The following GRHPR variants were observed in gnomAD, a reference collection of about 807,000 sequenced individuals.
The protein encoded by GRHPR is glyoxylate and hydroxypyruvate reductase, also known as glyoxylate reductase/hydroxypyruvate reductase.
GRHPR carries 35 observed loss-of-function variants against 36.8 expected under a neutral mutation model. The ratio of observed to expected loss-of-function variants is 0.95; its 90% CI spans 0.73 to 1.26. GRHPR has a LOEUF of 1.26. Ranked by LOEUF, GRHPR falls within the 50% of genes most tolerant of loss-of-function variation. The pLI is 0.00. For missense variants in GRHPR, 380 were observed against 435.0 expected (o/e 0.87, Z 1.12); for synonymous variants, 179 against 181.0 (o/e 0.99, Z 0.09).
intron 8 of GRHPR, chr9:37,434,177 A>G: frequency 2.5e-6 from 1 of 399,582 alleles, no homozygotes; most frequent in Admixed American, 4.4e-5. Flanking sequence ...GGCTGCAGCC[A>G]TGTCCTACTG....
intron 2 of GRHPR, 72 bp from the exon 3 acceptor site, chr9:37,425,850 A>G: frequency 8.5e-6 from 8 of 944,896 alleles, no homozygotes; most frequent in Middle Eastern, 2.1e-4. Context: ...CGGTGTCCCC[A>G]TGATAGTCCC....
At chr9:37,422,615 C>T (rs887110017), upstream of GRHPR, 18 of 728,200 alleles carry the variant, frequency 2.5e-5, no homozygotes, top group African/African-American at 3.0e-4. Context: ...GGCGCTCCCT[C>T]TCGCGAAGCC....
intron 7 of GRHPR, 99 bp from the exon 8 acceptor site, chr9:37,431,909 C>T: frequency 2.3e-6 from 3 of 1,304,524 alleles, no homozygotes; most frequent in Non-Finnish European, 3.3e-6. Flanking sequence ...AAGTCAGTGC[C>T]AAGTGAGTGG....
At position 37,422,883 on chromosome 9, in the gene GRHPR, C is replaced by G. The variant is rs776574903; in HGVS notation, c.83+50C>G. The G allele has an allele frequency of 9.5e-6, 13 of 1,364,938 alleles. No individual in the cohort carries two copies. The South Asian group carries it at 1.5e-4, about 16-fold the overall frequency. The allele number at this position is 1,364,938 out of a possible 1,614,324, so 84.6% of individuals were successfully genotyped here. On this transcript the variant is annotated intron_variant, in intron 1 of 8. Coordinates refer to ENST00000318158, the MANE Select transcript of GRHPR (RefSeq NM_012203.2). ...GAGGGAGCAGGGCGGTCCCAGGGAC[C>G]GGAGAGCCGGGCGGGGCGTTTGGGC...
intron 6 of GRHPR, 54 bp downstream of exon 6, chr9:37,429,890 G>C (rs1024956886): frequency 9.5e-7 from 1 of 1,058,074 alleles, no homozygotes; most frequent in Non-Finnish European, 1.5e-6. Flanking sequence ...TTGAGAGGCT[G>C]TATTTTCTCT....
intron 7 of GRHPR, chr9:37,431,682 A>G (rs1371382189): frequency 2.9e-6 from 1 of 343,140 alleles, no homozygotes; most frequent in East Asian, 7.4e-5. Context: ...GCAGTAGAGC[A>G]TGTAAGAAAG....
chr9:37,436,031 A>G (rs958321135), intron 8 of GRHPR, among the ~76,000 whole-genome samples: 10 of 152,172 alleles, frequency 6.6e-5, no homozygotes, highest in African/African-American at 2.4e-4. Context: ...TTATTTCTGT[A>G]GATCAGAAAC....
chr9:37,433,228 ATTTTT>A lies in GRHPR; in HGVS notation c.865+1109_865+1113del, dbSNP rs11345501. On this transcript the variant is annotated intron_variant, in intron 8 of 8. Coordinates refer to ENST00000318158, the MANE Select transcript of GRHPR (RefSeq NM_012203.2). ...GCTACCACAGTGCAGTGGTTCTCAC[ATTTTT>A]TTTTTTTTTTTTTTTTTTGAGACAG... Among the ~76,000 whole-genome samples, 38 of 97,198 alleles carry A rather than the reference ATTTTT, an allele frequency of 3.9e-4. No homozygotes were observed. The South Asian group carries it at 0.013, about 32-fold the overall frequency. 63.8% of individuals were successfully genotyped at this position (97,198 alleles called of 152,430 possible).
chr9:37,438,787 A>AC (rs1336362548), downstream of GRHPR: 1 of 152,244 alleles, frequency 6.6e-6, no homozygotes, highest in Admixed American at 6.5e-5. Context: ...CCACACACAC[A>AC]ACTGAATTTC....
chr9:37,436,435 T>C (rs1354466161), intron 8 of GRHPR, among the ~76,000 whole-genome samples: 2 of 152,164 alleles, frequency 1.3e-5, no homozygotes, highest in East Asian at 1.9e-4. Context: ...TTCATCACAT[T>C]GTGACTGGGT....
At chr9:37,431,802 C>A (rs1823379828) in intron 7 of GRHPR, 1 of 540,668 alleles carries the variant, frequency 1.8e-6, no homozygotes, top group South Asian at 2.1e-5. Flanking sequence ...AGACACTTGC[C>A]CAAGGTCACA....
chr9:37,434,151 C>T, intron 8 of GRHPR: 1 of 398,288 alleles, frequency 2.5e-6, no homozygotes, highest in African/African-American at 2.1e-5. Flanking sequence ...GCTGCTTCTA[C>T]AAAATCTAAG....
intron 8 of GRHPR, 194 bp downstream of exon 8, chr9:37,432,332 G>A: frequency 3.3e-6 from 2 of 599,180 alleles, no homozygotes; most frequent in Non-Finnish European, 3.1e-6. Flanking sequence ...CGCATGCTCT[G>A]CTGGGTCTCT....
At chr9:37,429,976 T>G (rs549752643) in intron 6 of GRHPR, 140 bp downstream of exon 6, 39 of 695,696 alleles carry the variant, frequency 5.6e-5, no homozygotes, top group South Asian at 5.4e-4. Flanking sequence ...ATGTTTAATC[T>G]ACCTGCCCCT....
intron 8 of GRHPR, chr9:37,432,462 G>A (rs901639196): frequency 2.9e-6 from 1 of 343,618 alleles, no homozygotes; most frequent in East Asian, 7.4e-5. Flanking sequence ...GGTGGATCAC[G>A]AGGTCAGGGG....
intron 8 of GRHPR, chr9:37,434,276 T>A (rs758376911): frequency 4.5e-6 from 2 of 440,308 alleles, no homozygotes; most frequent in Admixed American, 3.5e-5. Context: ...GTGATCCCTA[T>A]GGGGGGAGCA....
intron 8 of GRHPR, chr9:37,433,734 G>A (rs1823492803): frequency 4.8e-6 from 1 of 207,346 alleles, no homozygotes; most frequent in African/African-American, 2.3e-5. Flanking sequence ...TGCTCAGTGA[G>A]TTAACAACTT....
At position 37,434,006 on chromosome 9, in the gene GRHPR, G is replaced by A. The variant is rs554983102; in HGVS notation, c.865+1868G>A. On this transcript the variant is annotated intron_variant, in intron 8 of 8. Transcript: ENST00000318158. ...CACTGGGTGTGATGTCAGGGCTGTC[G>A]CCCACAGCCAGGAAAACTGCCCTCC... The A allele has an allele frequency of 1.4e-4, 52 of 381,434 alleles. No individual in the cohort carries two copies. The South Asian group carries it at 5.6e-3, about 41-fold the overall frequency. 23.6% of individuals were successfully genotyped at this position (381,434 alleles called of 1,614,324 possible).
rs1250528718 is a variant in GRHPR at position 37,425,905 on chromosome 9, C to T, written c.215-17C>T. On this transcript the variant is annotated splice_polypyrimidine_tract_variant and intron_variant, in intron 2 of 8. Coordinates refer to ENST00000318158, the MANE Select transcript of GRHPR (RefSeq NM_012203.2). ...TCCTCGAGGAAAGATACTAACAATG[C>T]ACTTTCTGCACAACAGGGGCCAATC... 2 of 1,590,502 alleles carry T rather than the reference C, an allele frequency of 1.3e-6. No individual in the cohort carries two copies. The highest frequency in any genetic ancestry group is 1.7e-6 in the Non-Finnish European group (2 of 1,158,404).
Sources: allele counts gnomAD v4.1 joint callset (sites outside exome capture counted in the v4.1 genomes callset), GRCh38; gene constraint gnomAD v4.1.1; transcripts MANE v1.5; gene names NCBI Gene and HGNC (gene_info 2026-07-23, HGNC 2026-07-21).